Variants in QPCT observed in about 807,000 individuals in gnomAD.
The protein encoded by QPCT is EC.
QPCT carries 44 observed loss-of-function variants against 43.4 expected under a neutral mutation model. That is an observed-to-expected ratio of 1.01 (90% CI 0.80 to 1.30). QPCT has a LOEUF of 1.30. QPCT is among the 50% of genes most tolerant of loss of function. The pLI is 0.00. For missense variants in QPCT, 526 were observed against 436.5 expected, an observed-to-expected ratio of 1.21 and a Z score of -1.83; for synonymous variants, 168 against 168.4, an observed-to-expected ratio of 1.00 and a Z score of 0.02.
chr2:37,359,939 A>G, intron 3 of QPCT, 81 bp downstream of exon 3: 1 of 1,391,952 alleles, frequency 7.2e-7, no homozygotes, highest in Non-Finnish European at 9.9e-7. Context: ...CCTTGGAGGA[A>G]TGAGAAGGCC....
chr2:37,350,623 G>T (rs572773315), intron 1 of QPCT, among the ~76,000 whole-genome samples: 1 of 152,344 alleles, frequency 6.6e-6, no homozygotes, highest in East Asian at 1.9e-4. Flanking sequence ...GAAATCCCCA[G>T]ACAGCGGATC....
intron 5 of QPCT, among the ~76,000 whole-genome samples, chr2:37,370,039 G>T (rs1351782025): frequency 6.6e-6 from 1 of 151,994 alleles, no homozygotes; most frequent in Non-Finnish European, 1.5e-5. Context: ...ACAAAAATTA[G>T]CTGGGTGTGG....
At chr2:37,359,172 G>C (rs959391627) in intron 2 of QPCT, among the ~76,000 whole-genome samples, 1 of 152,192 alleles carries the variant, frequency 6.6e-6, no homozygotes, top group East Asian at 1.9e-4. Flanking sequence ...AAAGCAAGGG[G>C]AGAGTAATAT....
Position 37,369,708 on chromosome 2 carries a change from G to C in QPCT, c.747G>C (p.Leu249Phe). 1.9e-6 allele frequency: 3 copies of C among 1,605,070 alleles called. No individual in the cohort carries two copies. The highest frequency in any genetic ancestry group is 1.7e-5 in the Admixed American group (1 of 60,004). ...AGGATTTATTGGTCTTATTGGATTT[G>C]ATTGGAGCTCCAAACCCAACGTTTC... ...HGMDLLVLLD[L>F]IGAPNPTFPN... Residue 249 changes from leucine to phenylalanine, a missense_variant, in exon 5 of 7, where the codon TTG (leucine) becomes TTC (phenylalanine). Coordinates refer to ENST00000338415, the MANE Select transcript of QPCT (RefSeq NM_012413.4).
chr2:37,360,708 T>A (rs981322868), intron 3 of QPCT, among the ~76,000 whole-genome samples: 1 of 152,260 alleles, frequency 6.6e-6, no homozygotes, highest in Non-Finnish European at 1.5e-5. Context: ...CTGGATATGC[T>A]GAAATTGAAG....
At chr2:37,356,214 A>G (rs1672742035) in intron 2 of QPCT, among the ~76,000 whole-genome samples, 1 of 152,168 alleles carries the variant, frequency 6.6e-6, no homozygotes, top group African/African-American at 2.4e-5. Flanking sequence ...CACTCTTTGG[A>G]AGTAGACTAT....
intron 1 of QPCT, among the ~76,000 whole-genome samples, chr2:37,350,570 C>T (rs1048501936): frequency 2.0e-5 from 3 of 152,198 alleles, no homozygotes; most frequent in African/African-American, 7.2e-5. Flanking sequence ...ACTGGAAGTG[C>T]ATAAATGAGA....
intron 1 of QPCT, among the ~76,000 whole-genome samples, chr2:37,346,145 A>T (rs917900615): frequency 7.2e-5 from 11 of 152,178 alleles, no homozygotes; most frequent in Middle Eastern, 3.2e-3. Context: ...GCATATATAT[A>T]TGAATAGCCC....
At position 37,372,972 on chromosome 2, in the gene QPCT, G is replaced by C. The variant is rs1410760659; in HGVS notation, c.*145G>C. ...TATTCTTATGTGTCTTTGGTTATCA[G>C]ATCAATTACAGAATAATTGTGTTGT... On this transcript the variant is annotated 3_prime_UTR_variant, in exon 7 of 7. Transcript: ENST00000338415. 1.6e-6 allele frequency: 1 copy of C among 636,286 alleles called. No individual in the cohort carries two copies. Among genetic ancestry groups the C allele is most frequent in the African/African-American group, 1.9e-5 (1 of 53,374 alleles). 39.4% of individuals were successfully genotyped at this position (636,286 alleles called of 1,614,324 possible). A position where few individuals can be genotyped will look rare whatever the true frequency, so the allele number is the denominator to read the frequency against.
chr2:37,372,331 T>C (rs1673093883), intron 5 of QPCT, 25 bp from the exon 6 acceptor site: 1 of 1,476,054 alleles, frequency 6.8e-7, no homozygotes, highest in African/African-American at 1.4e-5. Flanking sequence ...TAGTTGTTCA[T>C]TTACTGTATA....
chr2:37,351,242 C>T (rs1221727924), intron 1 of QPCT, among the ~76,000 whole-genome samples: 2 of 152,230 alleles, frequency 1.3e-5, no homozygotes, highest in Non-Finnish European at 1.5e-5. Flanking sequence ...TTCTGTTTTG[C>T]CTTCCAAATA....
In QPCT at chr2:37,372,340, T is replaced by A. The variant is rs777028151; in HGVS notation, c.824-16T>A. The stretch of plus-strand genomic sequence containing the variant: ...TAAAAATAGTTGTTCATTTACTGTA[T>A]AATTGTCATCTACAGAACATGAACT... On this transcript the variant is annotated splice_polypyrimidine_tract_variant and intron_variant, in intron 5 of 6. Transcript: ENST00000338415. The A allele has an allele frequency of 3.9e-6, 6 of 1,526,214 alleles. No homozygotes were observed. Among genetic ancestry groups the A allele is most frequent in the South Asian group, 1.1e-5 (1 of 89,304 alleles). The allele number at this position is 1,526,214 out of a possible 1,614,324, so 94.5% of individuals were successfully genotyped here. A position where few individuals can be genotyped will look rare whatever the true frequency, so the allele number is the denominator to read the frequency against.
intron 4 of QPCT, among the ~76,000 whole-genome samples, chr2:37,369,065 G>T (rs1572738460): frequency 6.6e-6 from 1 of 152,070 alleles, no homozygotes; most frequent in Admixed American, 6.5e-5. Flanking sequence ...AAATGAGGAG[G>T]TCTTAATCTA....
chr2:37,345,752 C>G (rs1672473349), intron 1 of QPCT, among the ~76,000 whole-genome samples: 1 of 148,638 alleles, frequency 6.7e-6, no homozygotes, highest in South Asian at 2.1e-4. Flanking sequence ...AGGAGAATGG[C>G]GTGAACCCGG....
intron 2 of QPCT, among the ~76,000 whole-genome samples, chr2:37,356,153 A>G (rs1672740826): frequency 6.6e-6 from 1 of 152,198 alleles, no homozygotes; most frequent in Admixed American, 6.5e-5. Flanking sequence ...TGTTTAATTA[A>G]ATGAAACCCA....
At chr2:37,350,188 G>A (rs955735855) in intron 1 of QPCT, among the ~76,000 whole-genome samples, 2 of 152,196 alleles carry the variant, frequency 1.3e-5, no homozygotes, top group Admixed American at 6.5e-5. Context: ...CCTCATGGGG[G>A]CAGAACCTCA....
chr2:37,360,708 T>C (rs981322868), intron 3 of QPCT, among the ~76,000 whole-genome samples: 44 of 152,378 alleles, frequency 2.9e-4, no homozygotes, highest in African/African-American at 1.0e-3. Context: ...CTGGATATGC[T>C]GAAATTGAAG....
intron 1 of QPCT, among the ~76,000 whole-genome samples, chr2:37,352,029 C>CA (rs756518422): frequency 0.04 from 4,113 of 104,058 alleles, 79 homozygotes; most frequent in Middle Eastern, 0.1. Flanking sequence ...ACCCCAACTT[C>CA]AAAAAAAAAA....
intron 2 of QPCT, chr2:37,358,849 A>T (rs1672802175): frequency 6.6e-6 from 1 of 152,126 alleles, no homozygotes; most frequent in Non-Finnish European, 1.5e-5. Flanking sequence ...AACCTGAACC[A>T]CCCCCTAGCT....
Sources: allele counts gnomAD v4.1 joint callset (sites outside exome capture counted in the v4.1 genomes callset), GRCh38; gene constraint gnomAD v4.1.1; transcripts MANE v1.5; gene names NCBI Gene and HGNC (gene_info 2026-07-23, HGNC 2026-07-21).